The following TAFA1 variants were observed in gnomAD, a reference collection of about 807,000 sequenced individuals.
TAFA1 encodes the protein chemokine-like protein TAFA-1.
A neutral mutation model predicts 18.5 loss-of-function variants in TAFA1; 4 were observed. That is an observed-to-expected ratio of 0.22 (90% CI 0.11 to 0.49). The LOEUF is 0.49. Ranked by LOEUF, TAFA1 falls within the 20% of genes least tolerant of loss-of-function variation. The pLI, the probability that TAFA1 is intolerant of heterozygous loss-of-function variation, is 0.98. For missense variants in TAFA1, 147 were observed against 169.0 expected (o/e 0.87, Z 0.72); for synonymous variants, 56 against 55.2 (o/e 1.01, Z -0.06).
At chr3:68,454,583 C>G (rs1559676526) in intron 3 of TAFA1, among the ~76,000 whole-genome samples, 1 of 152,174 alleles carries the variant, frequency 6.6e-6, no homozygotes, top group Non-Finnish European at 1.5e-5. Context: ...CATTTGGACA[C>G]TATGTAAGGA....
chr3:68,479,047 A>C (rs1169930323), intron 3 of TAFA1, among the ~76,000 whole-genome samples: 2 of 150,678 alleles, frequency 1.3e-5, no homozygotes, highest in African/African-American at 4.9e-5. Context: ...CCTGGCCAAC[A>C]TAGTGAAACC....
intron 2 of TAFA1, among the ~76,000 whole-genome samples, chr3:68,283,201 A>C (rs1433494186): frequency 2.0e-4 from 31 of 152,206 alleles, no homozygotes; most frequent in Non-Finnish European, 5.9e-5. Context: ...GCTTGAGGCC[A>C]TTCTGCTATA....
intron 2 of TAFA1, among the ~76,000 whole-genome samples, chr3:68,204,426 C>A (rs1214361848): frequency 6.6e-6 from 1 of 151,762 alleles, no homozygotes; most frequent in East Asian, 2.0e-4. Context: ...AACCTTCCAA[C>A]CCCTTTGTCC....
intron 2 of TAFA1, among the ~76,000 whole-genome samples, chr3:68,218,289 A>G (rs757492088): frequency 4.6e-5 from 7 of 152,152 alleles, no homozygotes; most frequent in Non-Finnish European, 8.8e-5. Context: ...ATGATGCTCT[A>G]AAGTCTCCAT....
At chr3:68,230,038 A>G (rs1377326825) in intron 2 of TAFA1, among the ~76,000 whole-genome samples, 2 of 152,172 alleles carry the variant, frequency 1.3e-5, no homozygotes, top group African/African-American at 2.4e-5. Flanking sequence ...ATTTTAGCAC[A>G]AGCATGCAGT....
At chr3:68,460,346 AG>A (rs1003988935) in intron 3 of TAFA1, among the ~76,000 whole-genome samples, 2 of 152,134 alleles carry the variant, frequency 1.3e-5, no homozygotes, top group African/African-American at 4.8e-5. Flanking sequence ...CAAGGATGGC[AG>A]GAGATTTTGT....
intron 3 of TAFA1, among the ~76,000 whole-genome samples, chr3:68,496,727 C>A (rs1305452392): frequency 1.3e-5 from 2 of 152,106 alleles, no homozygotes; most frequent in African/African-American, 4.8e-5. Context: ...TGATGTGAGT[C>A]CTGGCTCTGC....
chr3:68,529,436 TAAAAAAAAAAAAA>T (rs533214097), intron 3 of TAFA1, among the ~76,000 whole-genome samples: 2,479 of 77,130 alleles, frequency 0.032, 111 homozygotes, highest in African/African-American at 0.11. Context: ...CACCATTCTC[TAAAAAAAAAAAAA>T]AAAAAAAAAA....
chr3:68,108,424 T>C (rs77109589), intron 2 of TAFA1, among the ~76,000 whole-genome samples: 1,543 of 144,900 alleles, frequency 0.011, 29 homozygotes, highest in African/African-American at 0.036. Context: ...AGGAAAGATG[T>C]TTTATTTGAA....
Position 68,545,193 on chromosome 3 carries a change from A to G in TAFA1, c.*690A>G, listed in dbSNP as rs538874783. The stretch of plus-strand genomic sequence containing the variant: ...GTCATACTTTATATTCAATTGATAT[A>G]TAATAACCGTTCTAACCTCTTCCAG... On this transcript the variant is annotated 3_prime_UTR_variant, in exon 5 of 5. Transcript: ENST00000478136. 1.3e-5 allele frequency: 2 copies of G among 152,718 alleles called. No homozygotes were observed. Among genetic ancestry groups the G allele is most frequent in the South Asian group, 2.1e-4 (1 of 4,822 alleles). 9.5% of individuals were successfully genotyped at this position (152,718 alleles called of 1,614,324 possible).
intron 2 of TAFA1, among the ~76,000 whole-genome samples, chr3:68,134,663 A>C (rs2065585648): frequency 6.6e-6 from 1 of 152,178 alleles, no homozygotes; most frequent in African/African-American, 2.4e-5. Context: ...GCTTCTTCTA[A>C]AATGGCCACT....
chr3:68,061,814 A>G (rs1475083352), intron 2 of TAFA1, among the ~76,000 whole-genome samples: 1 of 152,194 alleles, frequency 6.6e-6, no homozygotes, highest in African/African-American at 2.4e-5. Flanking sequence ...ATCTTTCTCC[A>G]CAAAACACCC....
chr3:68,016,106 T>G (rs1429138132), intron 2 of TAFA1, among the ~76,000 whole-genome samples: 1 of 152,126 alleles, frequency 6.6e-6, no homozygotes, highest in African/African-American at 2.4e-5. Flanking sequence ...TCATTATCAA[T>G]TAAGTTTGCT....
At chr3:68,032,864 G>C (rs1340203500) in intron 2 of TAFA1, among the ~76,000 whole-genome samples, 2 of 152,072 alleles carry the variant, frequency 1.3e-5, no homozygotes, top group African/African-American at 4.8e-5. Flanking sequence ...CTAATGATTT[G>C]CTCTTGCGCT....
chr3:68,047,518 C>A (rs1396689924), intron 2 of TAFA1, among the ~76,000 whole-genome samples: 1 of 152,128 alleles, frequency 6.6e-6, no homozygotes, highest in Non-Finnish European at 1.5e-5. Flanking sequence ...TTAATGGGAT[C>A]TATTCTTTCT....
At chr3:68,255,501 G>T (rs563384142) in intron 2 of TAFA1, among the ~76,000 whole-genome samples, 2 of 151,774 alleles carry the variant, frequency 1.3e-5, no homozygotes, top group Non-Finnish European at 2.9e-5. Flanking sequence ...TTTTTCCTTC[G>T]ATGTGACATT....
intron 2 of TAFA1, among the ~76,000 whole-genome samples, chr3:68,088,365 G>T (rs1036856092): frequency 6.6e-6 from 1 of 152,022 alleles, no homozygotes; most frequent in South Asian, 2.1e-4. Context: ...AGAGGTTTCC[G>T]CTCAGAGCAA....
intron 2 of TAFA1, among the ~76,000 whole-genome samples, chr3:68,378,497 G>C (rs1173244527): frequency 1.3e-5 from 2 of 152,134 alleles, no homozygotes; most frequent in African/African-American, 4.8e-5. Context: ...ATAAAATCAA[G>C]AATGGCAGAA....
At chr3:68,352,452 T>C (rs193106667) in intron 2 of TAFA1, among the ~76,000 whole-genome samples, 1 of 152,016 alleles carries the variant, frequency 6.6e-6, no homozygotes, top group Non-Finnish European at 1.5e-5. Flanking sequence ...TGAAAAACTA[T>C]GGAAAGGTAA....
Sources: allele counts gnomAD v4.1 joint callset (sites outside exome capture counted in the v4.1 genomes callset), GRCh38; gene constraint gnomAD v4.1.1; transcripts MANE v1.5; gene names NCBI Gene and HGNC (gene_info 2026-07-23, HGNC 2026-07-21).